Variants in EYS observed in about 807,000 individuals in gnomAD.
The protein encoded by EYS is protein eyes shut homolog.
EYS carries 250 observed loss-of-function variants against 282.1 expected under a neutral mutation model. The observed-to-expected ratio is 0.89, with a 90% CI of 0.80 to 0.98. EYS has a LOEUF of 0.98. Among genes scored for constraint, EYS ranks in the 50% least tolerant of loss-of-function variants. The probability of loss-of-function intolerance (pLI) is 0.00; values close to 1 mark genes in which losing one functional copy is unlikely to be tolerated. For synonymous variants in EYS, 1,355 were observed against 1,282.9 expected (o/e 1.06, Z -1.20); for missense variants, 4,016 against 3,709.0 (o/e 1.08, Z -2.15).
intron 31 of EYS, among the ~76,000 whole-genome samples, chr6:64,109,310 A>G (rs941949781): frequency 2.0e-5 from 3 of 152,004 alleles, no homozygotes; most frequent in Non-Finnish European, 4.4e-5. Context: ...CATCACACTA[A>G]GTTTTTTACT....
intron 31 of EYS, among the ~76,000 whole-genome samples, chr6:64,169,421 T>C (rs1018271647): frequency 8.0e-6 from 1 of 125,632 alleles, no homozygotes; most frequent in Non-Finnish European, 1.7e-5. Flanking sequence ...CTCAAACAAT[T>C]TGAGGAGGAG....
intron 14 of EYS, among the ~76,000 whole-genome samples, chr6:64,975,434 A>G (rs911899084): frequency 6.6e-6 from 1 of 151,886 alleles, no homozygotes; most frequent in Non-Finnish European, 1.5e-5. Flanking sequence ...TATATGTGAG[A>G]TGCAGACATC....
intron 31 of EYS, among the ~76,000 whole-genome samples, chr6:64,179,079 C>G (rs1379963764): frequency 1.3e-5 from 2 of 151,942 alleles, no homozygotes; most frequent in Non-Finnish European, 2.9e-5. Flanking sequence ...ATTTTAAAAC[C>G]AACCCAATAA....
At chr6:65,097,956 G>A (rs9445467) in intron 12 of EYS, among the ~76,000 whole-genome samples, 3,177 of 150,798 alleles carry the variant, frequency 0.021, 80 homozygotes, top group African/African-American at 0.06. Context: ...AATTTTCCCT[G>A]TAAAATATTA....
chr6:64,469,431 C>T (rs183548346), intron 26 of EYS, among the ~76,000 whole-genome samples: 1 of 152,190 alleles, frequency 6.6e-6, no homozygotes, highest in East Asian at 1.9e-4. Flanking sequence ...AGTACTTACT[C>T]TTTATTCCAA....
intron 15 of EYS, among the ~76,000 whole-genome samples, chr6:64,943,825 T>G (rs1769182762): frequency 6.6e-6 from 1 of 152,040 alleles, no homozygotes; most frequent in East Asian, 1.9e-4. Context: ...CGAATGTCAT[T>G]TTTCACAGAA....
chr6:65,163,627 T>C (rs571389586), intron 12 of EYS, among the ~76,000 whole-genome samples: 26 of 151,270 alleles, frequency 1.7e-4, no homozygotes, highest in Non-Finnish European at 3.7e-4. Flanking sequence ...ACTTCAGGTA[T>C]GTAGAGCAAG....
intron 18 of EYS, among the ~76,000 whole-genome samples, chr6:64,892,065 A>G (rs1767308164): frequency 6.6e-6 from 1 of 151,998 alleles, no homozygotes; most frequent in Non-Finnish European, 1.5e-5. Flanking sequence ...AAAATTCAAC[A>G]TATTAAAATA....
intron 12 of EYS, among the ~76,000 whole-genome samples, chr6:65,158,379 A>C (rs890398527): frequency 6.6e-6 from 1 of 150,940 alleles, no homozygotes; most frequent in Non-Finnish European, 1.5e-5. Context: ...TATCTCAAAA[A>C]TTAATTAATA....
At chr6:64,734,707 C>T (rs538606048) in intron 22 of EYS, among the ~76,000 whole-genome samples, 17 of 152,246 alleles carry the variant, frequency 1.1e-4, no homozygotes, top group Admixed American at 3.9e-4. Context: ...TGTATATGCT[C>T]GCACATGTGT....
chr6:63,972,321 G>T lies in EYS; in HGVS notation c.7055+12062C>A, dbSNP rs532907980. 4.6e-5 allele frequency among the ~76,000 whole-genome samples: 7 copies of T among 152,148 alleles called. No individual in the cohort carries two copies. The East Asian group carries it at 1.2e-3, about 25-fold the overall frequency. On this transcript the variant is annotated intron_variant, in intron 35 of 42. Transcript: ENST00000503581. ...ATTACTATACTTGAAAAATAGCTTTGAAAATTCCAGTCTAGTTTAATTCCC... is the reference window on the plus strand; with the variant it reads ...ATTACTATACTTGAAAAATAGCTTTTAAAATTCCAGTCTAGTTTAATTCCC...
rs1474716750 is a variant in EYS, at chr6:65,184,354, C to T, written c.2023+111509G>A. On this transcript the variant is annotated intron_variant, in intron 12 of 42. Coordinates refer to ENST00000503581, the MANE Select transcript of EYS (RefSeq NM_001142800.2). ...CAGTAGGAGAGAGAGCAACAGGAGT[C>T]AAACTTACAACCATGATAATGATAA... 2.0e-5 allele frequency among the ~76,000 whole-genome samples: 3 copies of T among 151,718 alleles called. No individual in the cohort carries two copies. The East Asian group carries it at 5.9e-4, about 30-fold the overall frequency.
chr6:63,893,589 A>T (rs191796493), intron 35 of EYS, among the ~76,000 whole-genome samples: 57 of 152,204 alleles, frequency 3.7e-4, no homozygotes, highest in African/African-American at 1.2e-3. Flanking sequence ...GTTGGGGGGC[A>T]AGGGGAGGGA....
intron 36 of EYS, among the ~76,000 whole-genome samples, chr6:63,842,453 G>C (rs939554547): frequency 2.6e-5 from 4 of 151,734 alleles, no homozygotes; most frequent in Non-Finnish European, 4.4e-5. Context: ...TTTTTGATGG[G>C]GCTTGTTTTT....
At chr6:65,261,209 T>C (rs1429521503) in intron 12 of EYS, among the ~76,000 whole-genome samples, 4 of 152,008 alleles carry the variant, frequency 2.6e-5, no homozygotes, top group Non-Finnish European at 5.9e-5. Flanking sequence ...GAAAAAAGTT[T>C]AATCAATGGT....
intron 22 of EYS, among the ~76,000 whole-genome samples, chr6:64,746,724 A>G (rs376566627): frequency 2.0e-5 from 3 of 152,240 alleles, no homozygotes; most frequent in Non-Finnish European, 4.4e-5. Context: ...TACAGACTGT[A>G]TATAGGCTGA....
At chr6:64,344,948 A>G (rs1771313304) in intron 29 of EYS, among the ~76,000 whole-genome samples, 1 of 152,132 alleles carries the variant, frequency 6.6e-6, no homozygotes, top group African/African-American at 2.4e-5. Flanking sequence ...TCCCATTCAT[A>G]ATTGCTTCAA....
At chr6:65,005,959 G>A (rs149930369) in intron 13 of EYS, among the ~76,000 whole-genome samples, 2 of 152,138 alleles carry the variant, frequency 1.3e-5, no homozygotes, top group Non-Finnish European at 2.9e-5. Context: ...TACTTCCTCT[G>A]ATCCCTGCCT....
chr6:64,709,519 T>C (rs1338316253), intron 22 of EYS, among the ~76,000 whole-genome samples: 1 of 152,336 alleles, frequency 6.6e-6, no homozygotes, highest in South Asian at 2.1e-4. Context: ...GGCTACCAAA[T>C]TGTTTTAAAT....
Sources: gnomAD v4.1 joint callset for allele counts (sites outside exome capture counted in the v4.1 genomes callset) on GRCh38, gnomAD v4.1.1 for gene constraint, MANE v1.5 for transcripts, NCBI Gene and HGNC (gene_info 2026-07-23, HGNC 2026-07-21) for gene names.